OPHN1: variants seen among roughly 807,000 people sequenced by gnomAD.
OPHN1 encodes oligophrenin 1.
OPHN1 carries 11 observed loss-of-function variants against 60.7 expected under a neutral mutation model. That is an observed-to-expected ratio of 0.18 (90% CI 0.11 to 0.30). OPHN1 has a LOEUF of 0.30. Ranked by LOEUF, OPHN1 falls within the 10% of genes least tolerant of loss-of-function variation. The pLI is 1.00. For missense variants in OPHN1, 449 were observed against 611.0 expected (o/e 0.73, Z 2.80); for synonymous variants, 226 against 222.6 (o/e 1.02, Z -0.14).
chrX:68,283,323 A>G (rs1194595855), intron 3 of OPHN1, among the ~76,000 whole-genome samples: 1 of 111,618 alleles, frequency 9.0e-6, no homozygotes, highest in African/African-American at 3.3e-5. Context: ...CAATCCCCAT[A>G]CACTTTAATA....
chrX:68,279,630 T>C (rs183147857), intron 4 of OPHN1, among the ~76,000 whole-genome samples: 4 of 111,289 alleles, frequency 3.6e-5, no homozygotes, highest in Admixed American at 1.9e-4. Flanking sequence ...TTATCCAGAC[T>C]GGGGTAGAGG....
chrX:68,072,509 C>G (rs958583811), intron 20 of OPHN1, among the ~76,000 whole-genome samples: 4 of 111,056 alleles, frequency 3.6e-5, no homozygotes, highest in Non-Finnish European at 5.7e-5. Context: ...TAAAGTGTTT[C>G]AAGAAGGAGG....
intron 21 of OPHN1, among the ~76,000 whole-genome samples, chrX:68,060,332 C>T (rs2076888485): frequency 9.0e-6 from 1 of 111,391 alleles, no homozygotes; most frequent in Non-Finnish European, 1.9e-5. Flanking sequence ...TGAGGTCAAG[C>T]CCCATCTCTG....
At chrX:68,366,284 A>G (rs930008544) in intron 2 of OPHN1, among the ~76,000 whole-genome samples, 1 of 111,081 alleles carries the variant, frequency 9.0e-6, no homozygotes, top group African/African-American at 3.3e-5. Context: ...CATAGTGATA[A>G]TGATGGTGAT....
At chrX:68,065,929 C>T (rs772990936) in intron 20 of OPHN1, among the ~76,000 whole-genome samples, 55 of 112,072 alleles carry the variant, frequency 4.9e-4, no homozygotes, top group Non-Finnish European at 9.0e-4. Context: ...CCAAAGGGGC[C>T]GGAACCAAGG....
intron 2 of OPHN1, among the ~76,000 whole-genome samples, chrX:68,430,802 C>T (rs1252523509): frequency 3.7e-5 from 4 of 108,668 alleles, no homozygotes; most frequent in African/African-American, 3.4e-5. Context: ...CCAGCCTGGG[C>T]GACAAAGCAA....
intron 2 of OPHN1, among the ~76,000 whole-genome samples, chrX:68,403,931 CA>C (rs769046898): frequency 1.5e-4 from 16 of 108,456 alleles, no homozygotes; most frequent in African/African-American, 5.4e-4. Flanking sequence ...AGGGGTGGCA[CA>C]AGCAGAAGAG....
intron 21 of OPHN1, among the ~76,000 whole-genome samples, chrX:68,060,302 C>T (rs993977358): frequency 9.0e-6 from 1 of 111,369 alleles, no homozygotes; most frequent in African/African-American, 3.3e-5. Flanking sequence ...AAAAGAGTCC[C>T]AATCTTGAAC....
At chrX:68,419,344 T>C (rs2078815168) in intron 2 of OPHN1, among the ~76,000 whole-genome samples, 1 of 108,729 alleles carries the variant, frequency 9.2e-6, no homozygotes, top group Non-Finnish European at 1.9e-5. Flanking sequence ...CCTGGCTAAG[T>C]TGTTACTCAA....
intron 15 of OPHN1, among the ~76,000 whole-genome samples, chrX:68,135,763 G>T (rs1411831208): frequency 8.9e-6 from 1 of 112,231 alleles, no homozygotes; most frequent in Non-Finnish European, 1.9e-5. Flanking sequence ...TAGATTAGCT[G>T]TCAAAAATCA....
At chrX:68,331,818 G>A (rs902501297) in intron 2 of OPHN1, among the ~76,000 whole-genome samples, 5 of 108,653 alleles carry the variant, frequency 4.6e-5, no homozygotes, top group Non-Finnish European at 7.6e-5. Flanking sequence ...GGTGGATCAC[G>A]AGGTCAAGAG....
At chrX:68,340,920 C>T (rs902677022) in intron 2 of OPHN1, among the ~76,000 whole-genome samples, 7 of 107,335 alleles carry the variant, frequency 6.5e-5, no homozygotes, top group African/African-American at 1.7e-4. Context: ...GCAGGAGAAC[C>T]GCTTGAACCC....
At chrX:68,135,620 C>CAT in intron 15 of OPHN1, among the ~76,000 whole-genome samples, 1 of 112,018 alleles carries the variant, frequency 8.9e-6, no homozygotes, top group African/African-American at 3.2e-5. Context: ...AGAAAAGAGA[C>CAT]ATATAAAAGG....
intron 2 of OPHN1, among the ~76,000 whole-genome samples, chrX:68,395,261 T>TTTTTTG (rs2078677417): frequency 9.3e-6 from 1 of 107,745 alleles, no homozygotes; most frequent in Admixed American, 1.0e-4. Flanking sequence ...TTGGCCTTGT[T>TTTTTTG]TTTTTGTTTT....
At chrX:68,188,445 T>C (rs1352289928) in intron 15 of OPHN1, among the ~76,000 whole-genome samples, 1 of 112,112 alleles carries the variant, frequency 8.9e-6, no homozygotes, top group African/African-American at 3.2e-5. Context: ...ATCAATGTAT[T>C]TAAAGTAGTA....
chrX:68,327,026 A>G (rs1166405165), intron 2 of OPHN1, among the ~76,000 whole-genome samples: 3 of 35,720 alleles, frequency 8.4e-5, no homozygotes, highest in Admixed American at 3.0e-4. Context: ...TCCGGGAGGG[A>G]GGTGGGGGGA....
chrX:68,380,885 C>T (rs886186582), intron 2 of OPHN1, among the ~76,000 whole-genome samples: 14 of 111,813 alleles, frequency 1.3e-4, no homozygotes, highest in African/African-American at 4.2e-4. Context: ...CTTGATAACA[C>T]TTGTTGGTTA....
At chrX:68,087,396 C>T (rs2076999582) in intron 19 of OPHN1, among the ~76,000 whole-genome samples, 1 of 112,030 alleles carries the variant, frequency 8.9e-6, no homozygotes, top group African/African-American at 3.2e-5. Flanking sequence ...GGATAATTTG[C>T]TGGGCTTTGA....
chrX:68,237,452 C>T (rs1318912179), intron 5 of OPHN1, among the ~76,000 whole-genome samples: 1 of 111,800 alleles, frequency 8.9e-6, no homozygotes, highest in Non-Finnish European at 1.9e-5. Flanking sequence ...ATGAGTAATG[C>T]CATCTTAACA....
Sources: allele counts gnomAD v4.1 joint callset (sites outside exome capture counted in the v4.1 genomes callset), GRCh38; gene constraint gnomAD v4.1.1; transcripts MANE v1.5; gene names NCBI Gene and HGNC (gene_info 2026-07-23, HGNC 2026-07-21).